The following CTNND2 variants were observed in gnomAD, a reference collection of about 807,000 sequenced individuals.
CTNND2 encodes the protein catenin delta 2.
A neutral mutation model predicts 144.4 loss-of-function variants in CTNND2; 22 were observed. That is an observed-to-expected ratio of 0.15 (90% CI 0.11 to 0.22). The LOEUF is 0.22. Ranked by LOEUF, CTNND2 falls within the 10% of genes least tolerant of loss-of-function variation. The probability of loss-of-function intolerance (pLI) is 1.00; values close to 1 mark genes in which losing one functional copy is unlikely to be tolerated. For synonymous variants in CTNND2, 751 were observed against 695.6 expected (o/e 1.08, Z -1.25); for missense variants, 1,353 against 1,618.8 (o/e 0.84, Z 2.82).
chr5:11,825,672 ATTATTATTAAT>A, intron 1 of CTNND2, among the ~76,000 whole-genome samples: 1 of 152,074 alleles, frequency 6.6e-6, no homozygotes. Context: ...TATTAATAAT[ATTATTATTAAT>A]TTGCTTTTGC....
At chr5:11,863,955 G>A (rs1291426318) in intron 1 of CTNND2, among the ~76,000 whole-genome samples, 3 of 152,138 alleles carry the variant, frequency 2.0e-5, no homozygotes, top group Admixed American at 6.5e-5. Context: ...TTTTATTTAG[G>A]GTACATCTAA....
intron 2 of CTNND2, among the ~76,000 whole-genome samples, chr5:11,718,035 A>G (rs1201211462): frequency 6.6e-6 from 1 of 152,228 alleles, no homozygotes; most frequent in Non-Finnish European, 1.5e-5. Flanking sequence ...TCTTGAAATG[A>G]ATTTCGCACA....
chr5:11,887,949 T>C (rs550914548), intron 1 of CTNND2, among the ~76,000 whole-genome samples: 62 of 152,310 alleles, frequency 4.1e-4, no homozygotes, highest in African/African-American at 1.4e-3. Context: ...TCAAGCTATA[T>C]ATAAAGTAGA....
intron 10 of CTNND2, among the ~76,000 whole-genome samples, chr5:11,224,238 C>T (rs570516337): frequency 2.3e-4 from 35 of 152,286 alleles, no homozygotes; most frequent in African/African-American, 8.2e-4. Context: ...AAAGCACTGG[C>T]CCAATAATTC....
intron 2 of CTNND2, among the ~76,000 whole-genome samples, chr5:11,598,020 TTTG>T (rs1441637906): frequency 7.2e-5 from 11 of 152,214 alleles, no homozygotes; most frequent in Non-Finnish European, 1.5e-4. Context: ...TAGCTGTATT[TTTG>T]TTGTTGTTGT....
intron 12 of CTNND2, among the ~76,000 whole-genome samples, chr5:11,125,569 G>C (rs1160740297): frequency 6.6e-6 from 1 of 152,186 alleles, no homozygotes; most frequent in African/African-American, 2.4e-5. Flanking sequence ...GTAAACGTTA[G>C]CTGAGCAGCT....
intron 11 of CTNND2, among the ~76,000 whole-genome samples, chr5:11,180,171 G>T (rs1760864847): frequency 6.6e-6 from 1 of 151,734 alleles, no homozygotes; most frequent in East Asian, 1.9e-4. Context: ...TTGTGATAGT[G>T]AGTGAATTCT....
intron 2 of CTNND2, among the ~76,000 whole-genome samples, chr5:11,687,809 G>GGCCA (rs1461471102): frequency 6.6e-6 from 1 of 152,168 alleles, no homozygotes; most frequent in East Asian, 1.9e-4. Context: ...AACTAAAGCT[G>GGCCA]GCCAGGACTG....
At chr5:11,697,791 T>C (rs1315099065) in intron 2 of CTNND2, among the ~76,000 whole-genome samples, 1 of 152,182 alleles carries the variant, frequency 6.6e-6, no homozygotes, top group Non-Finnish European at 1.5e-5. Context: ...TGACAGTCAC[T>C]TAGGCGGGCA....
Position 11,006,420 on chromosome 5 carries a change from G to A in CTNND2, c.3084+11554C>T, listed in dbSNP as rs146792413. 4.2e-3 allele frequency among the ~76,000 whole-genome samples: 646 copies of A among 152,344 alleles called. 3 individuals are homozygous for A. Among genetic ancestry groups the A allele is most frequent in the Middle Eastern group, 0.02 (6 of 294 alleles). On this transcript the variant is annotated intron_variant, in intron 18 of 21. Transcript: ENST00000304623. ...CAGGTATAGCTGCGGCCCTTACGGC[G>A]TGCCAGAGCCACAGATGGAAGGAGG... is the stretch of plus-strand genomic sequence containing the variant.
intron 3 of CTNND2, among the ~76,000 whole-genome samples, chr5:11,422,785 AT>A (rs1266521933): frequency 1.3e-5 from 2 of 152,230 alleles, no homozygotes; most frequent in South Asian, 2.1e-4. Flanking sequence ...AAATGCATTC[AT>A]TTTTTTCTTC....
chr5:11,429,300 A>G (rs910184417), intron 3 of CTNND2, among the ~76,000 whole-genome samples: 9 of 152,212 alleles, frequency 5.9e-5, no homozygotes, highest in African/African-American at 2.2e-4. Context: ...TAAATGAAAC[A>G]TTATTTTCAC....
chr5:11,802,640 C>T (rs985631262), intron 1 of CTNND2, among the ~76,000 whole-genome samples: 3 of 151,920 alleles, frequency 2.0e-5, no homozygotes, highest in Non-Finnish European at 2.9e-5. Context: ...TACCTTGTTA[C>T]AGTGTATACA....
At chr5:11,825,046 C>T (rs4557407) in intron 1 of CTNND2, among the ~76,000 whole-genome samples, 10,358 of 152,138 alleles carry the variant, frequency 0.068, 950 homozygotes, top group African/African-American at 0.21. Context: ...CAAAGATTCC[C>T]ATTTCCAGAG....
At chr5:11,132,867 C>T (rs1383219880) in intron 12 of CTNND2, among the ~76,000 whole-genome samples, 6 of 152,180 alleles carry the variant, frequency 3.9e-5, no homozygotes, top group Non-Finnish European at 5.9e-5. Context: ...TAGAAATTTA[C>T]CCATCTCTGC....
chr5:11,158,374 G>A (rs1342720793), intron 12 of CTNND2, among the ~76,000 whole-genome samples: 1 of 152,198 alleles, frequency 6.6e-6, no homozygotes, highest in Non-Finnish European at 1.5e-5. Context: ...TTATGAAATG[G>A]ATGCCTCAGT....
chr5:11,167,534 G>C (rs546104081), intron 11 of CTNND2, among the ~76,000 whole-genome samples: 1 of 152,176 alleles, frequency 6.6e-6, no homozygotes, highest in South Asian at 2.1e-4. Context: ...AAACAATTTT[G>C]TTATAAGATA....
intron 9 of CTNND2, among the ~76,000 whole-genome samples, chr5:11,326,965 ACATCTGTCTGTG>A (rs1304768781): frequency 6.6e-6 from 1 of 152,186 alleles, no homozygotes; most frequent in African/African-American, 2.4e-5. Flanking sequence ...GAATGGTCTT[ACATCTGTCTGTG>A]CATTGGTGAC....
chr5:11,676,345 T>A (rs2126614720), intron 2 of CTNND2, among the ~76,000 whole-genome samples: 1 of 152,234 alleles, frequency 6.6e-6, no homozygotes, highest in East Asian at 1.9e-4. Flanking sequence ...ATTCTTAGCA[T>A]CCTGGTAGTG....
Sources: gnomAD v4.1 joint callset for allele counts (sites outside exome capture counted in the v4.1 genomes callset) on GRCh38, gnomAD v4.1.1 for gene constraint, MANE v1.5 for transcripts, NCBI Gene and HGNC (gene_info 2026-07-23, HGNC 2026-07-21) for gene names.